SLC39A14: variants seen among roughly 807,000 people sequenced by gnomAD.
The protein encoded by SLC39A14 is solute carrier family 39 member 14.
A neutral mutation model predicts 45.5 loss-of-function variants in SLC39A14; 19 were observed. That is an observed-to-expected ratio of 0.42 (90% CI 0.29 to 0.61). SLC39A14 has a LOEUF of 0.61. SLC39A14 is among the 20% of genes least tolerant of loss of function. The pLI, the probability that SLC39A14 is intolerant of heterozygous loss-of-function variation, is 0.22. For synonymous variants in SLC39A14, 264 were observed against 251.3 expected (o/e 1.05, Z -0.48); for missense variants, 447 against 616.5 (o/e 0.73, Z 2.91).
intron 1 of SLC39A14, among the ~76,000 whole-genome samples, chr8:22,401,588 C>T (rs1319069989): frequency 3.9e-5 from 5 of 128,988 alleles, no homozygotes; most frequent in Non-Finnish European, 7.9e-5. Flanking sequence ...TGCTCTGTCC[C>T]CCAGGCTGGA....
At position 22,415,945 on chromosome 8, in the gene SLC39A14, G is replaced by T; in HGVS notation, c.927G>T (p.Ser309=). ...PMVDEKVIVG[S]LSVQDLQASQ... is the part of the protein sequence containing the mutation. ...TGGACGAGAAGGTCATTGTGGGCTC[G>T]CTCTCTGTGCAGGTCAGTGGGCCAC... is the stretch of plus-strand genomic sequence containing the variant. Residue 309 remains serine, a synonymous_variant, in exon 6 of 9, where the codon TCG becomes TCT. Coordinates refer to ENST00000381237, the MANE Select transcript of SLC39A14 (RefSeq NM_001128431.4). 1 of 1,604,718 alleles carries T rather than the reference G, an allele frequency of 6.2e-7. No homozygotes were observed. Among genetic ancestry groups the T allele is most frequent in the Non-Finnish European group, 8.5e-7 (1 of 1,174,440 alleles).
chr8:22,378,382 G>A (rs1012089730), intron 1 of SLC39A14, among the ~76,000 whole-genome samples: 3 of 152,224 alleles, frequency 2.0e-5, no homozygotes, highest in Non-Finnish European at 4.4e-5. Flanking sequence ...TAAACTTAGG[G>A]TGTCAGTTGG....
At position 22,417,555 on chromosome 8, in the gene SLC39A14, G is replaced by A; in HGVS notation, c.1148-96G>A. 3 of 1,032,192 alleles carry A rather than the reference G, an allele frequency of 2.9e-6. No homozygotes were observed. In the South Asian group the frequency reaches 4.5e-5, roughly 16 times the overall value. The allele number at this position is 1,032,192 out of a possible 1,614,324, so 63.9% of individuals were successfully genotyped here. On this transcript the variant is annotated intron_variant, in intron 7 of 8. Transcript: ENST00000381237. ...CTGAGCTCAAACAGTCCTCCCAGCT[G>A]AGCCTCCTGAGTAGCTGGGATGACA...
intron 3 of SLC39A14, 138 bp from the exon 4 acceptor site, chr8:22,411,899 G>T (rs918068831): frequency 1.5e-5 from 11 of 716,436 alleles, no homozygotes; most frequent in South Asian, 4.4e-5. Context: ...TTTTTGTTCC[G>T]TTAATATCCA....
At chr8:22,409,942 A>T (rs1835470032) in intron 3 of SLC39A14, 1 of 1,613,434 alleles carries the variant, frequency 6.2e-7, no homozygotes, top group African/African-American at 1.3e-5. Context: ...TTGTTCCTCC[A>T]CAGTGTGGGG....
At chr8:22,384,693 G>A (rs1308200304) in intron 1 of SLC39A14, among the ~76,000 whole-genome samples, 1 of 149,902 alleles carries the variant, frequency 6.7e-6, no homozygotes, top group African/African-American at 2.5e-5. Context: ...GTTGCAGTGA[G>A]CCGAGATTGT....
chr8:22,410,445 G>C (rs538063381), intron 3 of SLC39A14, among the ~76,000 whole-genome samples: 3 of 152,222 alleles, frequency 2.0e-5, no homozygotes, highest in African/African-American at 7.2e-5. Flanking sequence ...TGCCTTTGGT[G>C]CTAAGTACTT....
rs1011773580 is a variant in SLC39A14 at position 22,420,880 on chromosome 8, C to T, written c.*1182C>T. 3.0e-6 allele frequency: 3 copies of T among 985,450 alleles called. No individual in the cohort carries two copies. The highest frequency in any genetic ancestry group is 3.6e-6 in the Non-Finnish European group (3 of 829,924). 61.0% of individuals were successfully genotyped at this position (985,450 alleles called of 1,614,324 possible). A position where few individuals can be genotyped will look rare whatever the true frequency, so the allele number is the denominator to read the frequency against. ...TACAGATGGGTTTTAAATGACCCGT[C>T]TAGGTTACTGCTTCCTTGCAAAAAA... On this transcript the variant is annotated 3_prime_UTR_variant, in exon 9 of 9. Coordinates refer to ENST00000381237, the MANE Select transcript of SLC39A14 (RefSeq NM_001128431.4).
At chr8:22,419,406 A>T in intron 8 of SLC39A14, 146 bp from the exon 9 acceptor site, 1 of 720,772 alleles carries the variant, frequency 1.4e-6, no homozygotes, top group Non-Finnish European at 2.3e-6. Context: ...CTGGTCTCGA[A>T]CTCCTGACCT....
At chr8:22,404,649 G>C in intron 1 of SLC39A14, 47 bp from the exon 2 acceptor site, 1 of 1,567,954 alleles carries the variant, frequency 6.4e-7, no homozygotes, top group Non-Finnish European at 8.7e-7. Flanking sequence ...CGCAGTTGCC[G>C]GCACACAGGG....
intron 4 of SLC39A14, among the ~76,000 whole-genome samples, 156 bp from the exon 5 acceptor site, chr8:22,414,624 T>C (rs1586740743): frequency 6.6e-6 from 1 of 152,310 alleles, no homozygotes. Context: ...CACCAAGGAC[T>C]AGATTTTTGC....
intron 1 of SLC39A14, among the ~76,000 whole-genome samples, chr8:22,381,816 A>T (rs1833529168): frequency 6.6e-6 from 1 of 152,212 alleles, no homozygotes. Flanking sequence ...TAATAAACCA[A>T]TAAAAAAAAC....
chr8:22,397,557 G>C (rs1225692555), intron 1 of SLC39A14, among the ~76,000 whole-genome samples: 1 of 151,560 alleles, frequency 6.6e-6, no homozygotes, highest in Admixed American at 6.6e-5. Flanking sequence ...CGGCCTGGGC[G>C]AAAGAGCGGG....
In SLC39A14 at chr8:22,405,416, G is replaced by A. The variant is rs150425944; in HGVS notation, c.270+436G>A. ...TGATCCCAGCCACTTGGGAGGCTGA[G>A]GCAAGAGAATCGCTTGAACCCAGGA... On this transcript the variant is annotated intron_variant, in intron 2 of 8. Transcript: ENST00000381237. 7.3e-3 allele frequency among the ~76,000 whole-genome samples: 1,106 copies of A among 152,326 alleles called. 10 individuals carry two copies. The highest frequency in any genetic ancestry group is 0.025 in the African/African-American group (1,042 of 41,582).
At chr8:22,424,244 A>G (rs920621814), downstream of SLC39A14, among the ~76,000 whole-genome samples, 17 of 152,204 alleles carry the variant, frequency 1.1e-4, no homozygotes, top group Non-Finnish European at 2.1e-4. Context: ...CCACATTTCT[A>G]TATCTTACAG....
intron 1 of SLC39A14, among the ~76,000 whole-genome samples, chr8:22,381,098 G>A (rs1001902589): frequency 4.1e-5 from 6 of 146,636 alleles, no homozygotes; most frequent in South Asian, 2.2e-4. Context: ...CTCAGCCTCC[G>A]AAGTAGCTGG....
chr8:22,380,981 AT>A (rs34554646), intron 1 of SLC39A14, among the ~76,000 whole-genome samples: 14 of 133,968 alleles, frequency 1.0e-4, no homozygotes, highest in Non-Finnish European at 1.3e-4. Flanking sequence ...CGGCCTCTGA[AT>A]TTTTTTTTTT....
At chr8:22,381,303 CTCGCTCCG>C (rs1203025714) in intron 1 of SLC39A14, among the ~76,000 whole-genome samples, 21 of 149,628 alleles carry the variant, frequency 1.4e-4, no homozygotes, top group Non-Finnish European at 2.8e-4. Flanking sequence ...GAGACAGAGT[CTCGCTCCG>C]TCACCCAGAC....
chr8:22,373,915 C>T (rs1030338176), intron 1 of SLC39A14, among the ~76,000 whole-genome samples: 4 of 152,206 alleles, frequency 2.6e-5, no homozygotes, highest in African/African-American at 9.6e-5. Context: ...CGCGCCACCA[C>T]GCCCAGCTAA....
Sources: gnomAD v4.1 joint callset for allele counts (sites outside exome capture counted in the v4.1 genomes callset) on GRCh38, gnomAD v4.1.1 for gene constraint, MANE v1.5 for transcripts, NCBI Gene and HGNC (gene_info 2026-07-23, HGNC 2026-07-21) for gene names.